The following ANGPT4 variants were observed in gnomAD, a reference collection of about 807,000 sequenced individuals.
ANGPT4 encodes the protein angiopoietin 4.
A neutral mutation model predicts 53.0 loss-of-function variants in ANGPT4; 50 were observed. The observed-to-expected ratio is 0.94, with a 90% confidence interval of 0.75 to 1.20. ANGPT4 has a LOEUF of 1.20. Ranked by LOEUF, ANGPT4 falls within the 50% of genes most tolerant of loss-of-function variation. The pLI, the probability that ANGPT4 is intolerant of heterozygous loss-of-function variation, is 0.00. For synonymous variants in ANGPT4, 251 were observed against 259.7 expected (o/e 0.97, Z 0.32); for missense variants, 648 against 637.1 (o/e 1.02, Z -0.18).
chr20:908,879 T>C lies in ANGPT4; in HGVS notation c.309+7027A>G, dbSNP rs1600065064. Among the ~76,000 whole-genome samples the C allele has an allele frequency of 6.6e-6, 1 of 152,176 alleles. No homozygotes were observed. Among genetic ancestry groups the C allele is most frequent in the Non-Finnish European group, 1.5e-5 (1 of 68,024 alleles). ...CATTTATGGCATGCTATGTATCTTG[T>C]TGCCTCTGGAGAGGAGAAACAGGGG... On this transcript the variant is annotated intron_variant, in intron 1 of 8. Coordinates refer to ENST00000381922, the MANE Select transcript of ANGPT4 (RefSeq NM_015985.4). The surrounding 1 kb of genome is among the most constrained non-coding windows in gnomAD (Gnocchi z 4.9).
chr20:884,082 G>A (rs899584557), intron 4 of ANGPT4, among the ~76,000 whole-genome samples: 3 of 152,262 alleles, frequency 2.0e-5, no homozygotes, highest in Middle Eastern at 3.4e-3. Context: ...AGGAGCAGCA[G>A]TAGCCCCTTT....
chr20:890,048 ATAG>A (rs886114278), intron 2 of ANGPT4, among the ~76,000 whole-genome samples, 162 bp downstream of exon 2: 1 of 152,182 alleles, frequency 6.6e-6, no homozygotes, highest in Non-Finnish European at 1.5e-5. Context: ...TTGGAGAGAG[ATAG>A]TTTTATGACA....
intron 1 of ANGPT4, among the ~76,000 whole-genome samples, chr20:913,988 A>G (rs1463321097): frequency 6.6e-6 from 1 of 152,228 alleles, no homozygotes; most frequent in African/African-American, 2.4e-5. Context: ...GGGGAGATCC[A>G]GGTCATGGGT....
intron 1 of ANGPT4, among the ~76,000 whole-genome samples, chr20:894,450 G>A (rs374356762): frequency 6.6e-6 from 1 of 152,134 alleles, no homozygotes; most frequent in East Asian, 1.9e-4. Flanking sequence ...TGCCTTCGAT[G>A]TCATTAACAT....
intron 6 of ANGPT4, among the ~76,000 whole-genome samples, chr20:878,704 A>G (rs1025149038): frequency 6.6e-6 from 1 of 152,204 alleles, no homozygotes; most frequent in African/African-American, 2.4e-5. Context: ...ACGTGGTTAA[A>G]TACATATCTA....
rs370994711 is a variant in ANGPT4 at position 879,769 on chromosome 20, C to T, written c.1031G>A (p.Arg344Gln). ...RRENGTVNFQ[R>Q]NWKDYKQGFG... Reference sequence around the variant, plus strand: ...TACCTGTTTGTAATCCTTCCAGTTCCGCTGAAAATTCACGGTGCCATTCTC... The same window carrying T: ...TACCTGTTTGTAATCCTTCCAGTTCTGCTGAAAATTCACGGTGCCATTCTC... Residue 344 changes from arginine (R) to glutamine (Q), a missense_variant, in exon 6 of 9, where the codon CGG (arginine) becomes CAG (glutamine). Physicochemically the swap from Arg to Gln is conservative, Grantham distance 43 (BLOSUM62 1). Transcript: ENST00000381922. 3.7e-5 allele frequency: 59 copies of T among 1,613,508 alleles called. No homozygotes were observed. The highest frequency in any genetic ancestry group is 5.3e-5 in the African/African-American group (4 of 74,900).
At chr20:891,975 C>T (rs1171696541) in intron 1 of ANGPT4, among the ~76,000 whole-genome samples, 1 of 152,172 alleles carries the variant, frequency 6.6e-6, no homozygotes, top group Non-Finnish European at 1.5e-5. Flanking sequence ...GTTAACAACA[C>T]CCCTGGCTGA....
At chr20:875,697 A>C (rs888975132) in intron 7 of ANGPT4, among the ~76,000 whole-genome samples, 2 of 152,218 alleles carry the variant, frequency 1.3e-5, no homozygotes, top group Non-Finnish European at 2.9e-5. Context: ...GTGAGTGCTC[A>C]ACATTCAGTG....
Position 873,140 on chromosome 20 carries a change from A to T in ANGPT4, c.1352-20T>A. ...ACCACCCTGGTGGAAGAGGGAGGACAGGCGCTTGGTGGAGGTGGGAGCCCA... is the reference window on the plus strand; with the variant it reads ...ACCACCCTGGTGGAAGAGGGAGGACTGGCGCTTGGTGGAGGTGGGAGCCCA... On this transcript the variant is annotated intron_variant, in intron 8 of 8. Coordinates refer to ENST00000381922, the MANE Select transcript of ANGPT4 (RefSeq NM_015985.4). The T allele has an allele frequency of 5.6e-6, 9 of 1,611,876 alleles. No homozygotes were observed. The highest frequency in any genetic ancestry group is 7.6e-6 in the Non-Finnish European group (9 of 1,179,182).
At chr20:874,450 C>T (rs780005950) in intron 7 of ANGPT4, 36 bp from the exon 8 acceptor site, 1 of 1,611,160 alleles carries the variant, frequency 6.2e-7, no homozygotes, top group Non-Finnish European at 8.5e-7. Context: ...GGCAGAAGGG[C>T]CCAGAGTCAG....
Position 890,204 on chromosome 20 carries a change from C to G in ANGPT4, c.465+9G>C. ...GGCCCTCAGTGCCCACTCAGTCACC[C>G]TCTGTTACCTGAGCCTCCATGTCGG... On this transcript the variant is annotated intron_variant, in intron 2 of 8. Transcript: ENST00000381922. 6.2e-7 allele frequency: 1 copy of G among 1,612,242 alleles called. No individual in the cohort carries two copies. The highest frequency in any genetic ancestry group is 8.5e-7 in the Non-Finnish European group (1 of 1,179,114).
At chr20:896,903 G>A (rs567694410) in intron 1 of ANGPT4, among the ~76,000 whole-genome samples, 91 of 152,266 alleles carry the variant, frequency 6.0e-4, no homozygotes, top group Admixed American at 3.4e-3. Context: ...CCAAGCCTGC[G>A]CGTATACATC....
chr20:893,483 G>C (rs80184510), intron 1 of ANGPT4, among the ~76,000 whole-genome samples: 24,127 of 152,134 alleles, frequency 0.16, 2,195 homozygotes, highest in East Asian at 0.47. Flanking sequence ...AGCTTCACCA[G>C]GACCAGATGC....
At chr20:890,800 C>A (rs916364653) in intron 1 of ANGPT4, among the ~76,000 whole-genome samples, 4 of 152,188 alleles carry the variant, frequency 2.6e-5, no homozygotes, top group Non-Finnish European at 4.4e-5. Flanking sequence ...TCACTTCAAT[C>A]CCGATGCAAT....
chr20:875,016 G>A (rs940468592), intron 7 of ANGPT4, among the ~76,000 whole-genome samples: 3 of 150,180 alleles, frequency 2.0e-5, no homozygotes, highest in East Asian at 2.0e-4. Flanking sequence ...CACCGTGCCC[G>A]GCAACGTTTC....
intron 1 of ANGPT4, among the ~76,000 whole-genome samples, chr20:910,105 G>T (rs368727881): frequency 6.6e-6 from 1 of 152,200 alleles, no homozygotes; most frequent in East Asian, 1.9e-4. Context: ...CTTAAGTTCT[G>T]AGATAATAGG....
chr20:889,336 C>T (rs902811698), intron 2 of ANGPT4, among the ~76,000 whole-genome samples: 1 of 152,328 alleles, frequency 6.6e-6, no homozygotes, highest in African/African-American at 2.4e-5. Flanking sequence ...GTGCAAACAT[C>T]ATAGTGTGTA....
Position 885,295 on chromosome 20 carries a change from C to G in ANGPT4, c.618G>C (p.Glu206Asp), listed in dbSNP as rs758356780. The change falls in exon 4 of 9, where the codon GAG (glutamate) becomes GAC (aspartate). Residue 206 changes from glutamate to aspartate, a missense_variant. Glu to Asp is a conservative substitution (Grantham distance 45). Coordinates refer to ENST00000381922, the MANE Select transcript of ANGPT4 (RefSeq NM_015985.4). The stretch of plus-strand genomic sequence containing the variant: ...TGGCCAGCTCCTCCTGCTGCTTGGT[C>G]TCCAGGGCCTGCAACCGCTTCTCGA... Reference protein sequence around the residue: ...SALEKRLQALETKQQEELASI... With the variant: ...SALEKRLQALDTKQQEELASI... The G allele has an allele frequency of 6.3e-7, 1 of 1,584,830 alleles. No homozygotes were observed. The highest frequency in any genetic ancestry group is 1.7e-5 in the Admixed American group (1 of 57,858).
At position 911,169 on chromosome 20, in the gene ANGPT4, A is replaced by C. The variant is rs550337656; in HGVS notation, c.309+4737T>G. On this transcript the variant is annotated intron_variant, in intron 1 of 8. Coordinates refer to ENST00000381922, the MANE Select transcript of ANGPT4 (RefSeq NM_015985.4). The surrounding 1 kb of genome is among the most constrained non-coding windows in gnomAD (Gnocchi z 4.9). Reference sequence around the variant, plus strand: ...GGGTCTCAGGCTGGGCAAGGACCCCACCCTGGGTTCCTCCTTGGTGCTCTC... The same window carrying C: ...GGGTCTCAGGCTGGGCAAGGACCCCCCCCTGGGTTCCTCCTTGGTGCTCTC... Among the ~76,000 whole-genome samples the C allele has an allele frequency of 6.6e-6, 1 of 151,830 alleles. No homozygotes were observed. The highest frequency in any genetic ancestry group is 1.5e-5 in the Non-Finnish European group (1 of 67,980).
Sources: gnomAD v4.1 joint callset for allele counts (sites outside exome capture counted in the v4.1 genomes callset) on GRCh38, gnomAD v4.1.1 for gene constraint, Gnocchi (gnomAD v3.1) non-coding constraint, MANE v1.5 for transcripts, NCBI Gene and HGNC (gene_info 2026-07-23, HGNC 2026-07-21) for gene names.